The following GLIS3 variants were observed in gnomAD, a reference collection of about 807,000 sequenced individuals.
GLIS3 encodes zinc finger protein GLIS3.
GLIS3 carries 53 observed loss-of-function variants against 78.6 expected under a neutral mutation model. The ratio of observed to expected loss-of-function variants is 0.67; its 90% CI spans 0.54 to 0.85. The LOEUF (loss-of-function observed/expected upper bound fraction) is 0.85, where lower values mean the gene tolerates loss of function less well. GLIS3 is among the 40% of genes least tolerant of loss of function. The pLI is 0.00. For synonymous variants in GLIS3, 684 were observed against 509.9 expected, an observed-to-expected ratio of 1.34 and a Z score of -4.60; for missense variants, 1,703 against 1,231.1, an observed-to-expected ratio of 1.38 and a Z score of -5.74.
upstream of GLIS3, among the ~76,000 whole-genome samples, chr9:4,301,704 G>C (rs1358329933): frequency 6.6e-6 from 1 of 152,170 alleles, no homozygotes; most frequent in South Asian, 2.1e-4. Context: ...TTGATGCATA[G>C]AATGGTATCC....
chr9:4,001,162 T>G (rs1174594370), intron 4 of GLIS3, among the ~76,000 whole-genome samples: 1 of 152,190 alleles, frequency 6.6e-6, no homozygotes, highest in Non-Finnish European at 1.5e-5. Flanking sequence ...TCTTCATGCT[T>G]ATTACAATCC....
At chr9:4,462,499 G>A in the GLIS3 span, among the ~76,000 whole-genome samples, 1 of 152,058 alleles carries the variant, frequency 6.6e-6, no homozygotes, top group Non-Finnish European at 1.5e-5. Context: ...GCTCATGCCT[G>A]TAATCCCAGC....
In GLIS3 at chr9:4,036,589, G is replaced by A. The variant is rs190732436; in HGVS notation, c.1710+81179C>T. On this transcript the variant is annotated intron_variant, in intron 4 of 10. Coordinates refer to ENST00000381971, the MANE Select transcript of GLIS3 (RefSeq NM_001042413.2). ...GTTTTCTCCCTGAGACTCCAAGAGT[G>A]CTAGAGGAAAAACAGAGAGGCTACT... 5.3e-5 allele frequency among the ~76,000 whole-genome samples: 8 copies of A among 152,266 alleles called. No homozygotes were observed. In the East Asian group the frequency reaches 1.5e-3, roughly 29 times the overall value.
At chr9:4,358,404 A>G in the GLIS3 span, among the ~76,000 whole-genome samples, 1 of 152,214 alleles carries the variant, frequency 6.6e-6, no homozygotes, top group Non-Finnish European at 1.5e-5. Context: ...AAGTACCTTC[A>G]CAAACCGAAA....
At chr9:3,952,638 C>G in intron 4 of GLIS3, among the ~76,000 whole-genome samples, 1 of 152,122 alleles carries the variant, frequency 6.6e-6, no homozygotes, top group East Asian at 1.9e-4. Flanking sequence ...AATAATGGGT[C>G]AGATTATCCA....
chr9:4,124,946 C>G (rs1214893108), intron 3 of GLIS3, among the ~76,000 whole-genome samples: 1 of 152,198 alleles, frequency 6.6e-6, no homozygotes, highest in East Asian at 1.9e-4. Flanking sequence ...AACATAGACA[C>G]AGACCTTAAA....
At chr9:4,438,603 C>T in the GLIS3 span, among the ~76,000 whole-genome samples, 1 of 152,112 alleles carries the variant, frequency 6.6e-6, no homozygotes, top group Non-Finnish European at 1.5e-5. Context: ...GTGTCCTCAC[C>T]CAAATCTCAC....
At chr9:3,937,917 T>C (rs987541457) in intron 4 of GLIS3, among the ~76,000 whole-genome samples, 1 of 152,212 alleles carries the variant, frequency 6.6e-6, no homozygotes. Context: ...ATCTAATTCA[T>C]GAGGAAAAGA....
intron 2 of GLIS3, among the ~76,000 whole-genome samples, chr9:4,341,288 C>A (rs545515476): frequency 6.6e-6 from 1 of 152,242 alleles, no homozygotes; most frequent in Non-Finnish European, 1.5e-5. Flanking sequence ...TCCTGGCTTG[C>A]ACTCACACGA....
intron 2 of GLIS3, among the ~76,000 whole-genome samples, chr9:4,218,751 C>G (rs1821074130): frequency 6.6e-6 from 1 of 152,174 alleles, no homozygotes; most frequent in Non-Finnish European, 1.5e-5. Context: ...TGGCTAATGG[C>G]TACCATATTG....
intron 2 of GLIS3, among the ~76,000 whole-genome samples, chr9:4,335,669 G>T (rs10465089): frequency 1.3e-5 from 2 of 152,088 alleles, no homozygotes; most frequent in Admixed American, 6.5e-5. Flanking sequence ...TTTCAACACG[G>T]CTTAGGGTTT....
chr9:4,048,850 C>T (rs1197133570), intron 4 of GLIS3, among the ~76,000 whole-genome samples: 3 of 152,192 alleles, frequency 2.0e-5, no homozygotes, highest in Admixed American at 6.5e-5. Flanking sequence ...AACATTTGAG[C>T]GCTTTTCTAG....
rs1554665966 is a variant in GLIS3 at position 3,987,784 on chromosome 9, A to AAAAAAAC, written c.1711-50596_1711-50595insGTTTTTT. Reference sequence around the variant, plus strand: ...GGCAAAAAAAAAAAAAAAAAAAAAAAAAAACAAAACACAAACATAAACCTA... The same window carrying AAAAAAAC: ...GGCAAAAAAAAAAAAAAAAAAAAAAAAAAAAACAAAACAAAACACAAACATAAACCTA... On this transcript the variant is annotated intron_variant, in intron 4 of 10. Transcript: ENST00000381971. Among the ~76,000 whole-genome samples, 27 of 69,556 alleles carry AAAAAAAC rather than the reference A, an allele frequency of 3.9e-4. 4 individuals carry two copies. Among genetic ancestry groups the AAAAAAAC allele is most frequent in the Admixed American group, 7.6e-4 (4 of 5,238 alleles). The allele number at this position is 69,556 out of a possible 152,430, so 45.6% of individuals were successfully genotyped here. A position where few individuals can be genotyped will look rare whatever the true frequency, so the allele number is the denominator to read the frequency against.
chr9:3,868,337 A>G lies in GLIS3; in HGVS notation c.2297+11090T>C, dbSNP rs190667883. 1.2e-4 allele frequency among the ~76,000 whole-genome samples: 19 copies of G among 152,104 alleles called. 1 individual carries two copies. Among genetic ancestry groups the G allele is most frequent in the Non-Finnish European group, 4.4e-5 (3 of 67,982 alleles). On this transcript the variant is annotated intron_variant, in intron 8 of 10. Coordinates refer to ENST00000381971, the MANE Select transcript of GLIS3 (RefSeq NM_001042413.2). ...GCTGGATTAGCTCTCTAATTTTCAG[A>G]TGTTCATCACTTTGTCTTCAAAATG...
chr9:3,985,665 T>C (rs1465385943), intron 4 of GLIS3, among the ~76,000 whole-genome samples: 1 of 152,166 alleles, frequency 6.6e-6, no homozygotes, highest in Non-Finnish European at 1.5e-5. Flanking sequence ...CAATTAGTAA[T>C]AGGAAGAGAT....
intron 4 of GLIS3, among the ~76,000 whole-genome samples, chr9:4,043,886 G>T (rs1825033417): frequency 6.6e-6 from 1 of 152,184 alleles, no homozygotes; most frequent in South Asian, 2.1e-4. Flanking sequence ...CAAGTCTTGG[G>T]TTGGGGGCTC....
At chr9:4,460,193 G>C in the GLIS3 span, among the ~76,000 whole-genome samples, 1 of 152,208 alleles carries the variant, frequency 6.6e-6, no homozygotes, top group Middle Eastern at 3.4e-3. Flanking sequence ...GAAGACCATG[G>C]GCATTCTTGA....
intron 6 of GLIS3, among the ~76,000 whole-genome samples, chr9:3,908,029 G>A (rs373427277): frequency 6.6e-6 from 1 of 152,134 alleles, no homozygotes; most frequent in East Asian, 1.9e-4. Flanking sequence ...ATGAAAGTGG[G>A]GTGTTCTGAA....
At chr9:4,044,972 G>C (rs1156536148) in intron 4 of GLIS3, among the ~76,000 whole-genome samples, 1 of 152,100 alleles carries the variant, frequency 6.6e-6, no homozygotes. Flanking sequence ...GAGGAAGGGA[G>C]GACTCAGAAA....
Sources: allele counts gnomAD v4.1 joint callset (sites outside exome capture counted in the v4.1 genomes callset), GRCh38; gene constraint gnomAD v4.1.1; transcripts MANE v1.5; gene names NCBI Gene and HGNC (gene_info 2026-07-23, HGNC 2026-07-21).